The following PCCA variants were observed in gnomAD, a reference collection of about 807,000 sequenced individuals.
PCCA encodes propionyl-CoA carboxylase alpha chain, mitochondrial.
PCCA carries 74 observed loss-of-function variants against 101.3 expected under a neutral mutation model. That is an observed-to-expected ratio of 0.73 (90% CI 0.61 to 0.89). The LOEUF (loss-of-function observed/expected upper bound fraction) is 0.89. Ranked by LOEUF, PCCA falls within the 40% of genes least tolerant of loss-of-function variation. PCCA has a pLI of 0.00. For synonymous variants in PCCA, 294 were observed against 313.6 expected, an observed-to-expected ratio of 0.94 and a Z score of 0.66; for missense variants, 891 against 907.0, an observed-to-expected ratio of 0.98 and a Z score of 0.23.
chr13:100,399,174 A>G (rs993262065), intron 19 of PCCA, among the ~76,000 whole-genome samples: 2 of 152,180 alleles, frequency 1.3e-5, no homozygotes, highest in African/African-American at 4.8e-5. Context: ...ATATCTAAAA[A>G]TATGACTAGG....
intron 21 of PCCA, among the ~76,000 whole-genome samples, chr13:100,487,492 G>A (rs879048895): frequency 1.3e-5 from 2 of 152,190 alleles, no homozygotes; most frequent in Non-Finnish European, 2.9e-5. Context: ...GTGGTGTGAT[G>A]TTTAAAATAA....
Position 100,368,513 on chromosome 13 carries a change from C to T in PCCA, c.1685C>T (p.Ser562Leu). Reference sequence around the variant, plus strand: ...CCAGACATAGCCAACTGGGAGCTCTCAGTAAAATTGCATGATAAAGTTCAT... The same window carrying T: ...CCAGACATAGCCAACTGGGAGCTCTTAGTAAAATTGCATGATAAAGTTCAT... ...IKPDIANWEL[S>L]VKLHDKVHTV... Residue 562 changes from serine (S) to leucine (L), a missense_variant, in exon 19 of 24, where the codon TCA becomes TTA. Transcript: ENST00000376285. 1 of 1,610,722 alleles carries T rather than the reference C, an allele frequency of 6.2e-7. No homozygotes were observed. The highest frequency in any genetic ancestry group is 2.2e-5 in the East Asian group (1 of 44,678).
chr13:100,494,059 C>T (rs776183670), intron 21 of PCCA, among the ~76,000 whole-genome samples: 7 of 152,044 alleles, frequency 4.6e-5, no homozygotes, highest in Non-Finnish European at 8.8e-5. Context: ...TGTGGTGGTG[C>T]ACGCCTGTAA....
intron 18 of PCCA, among the ~76,000 whole-genome samples, chr13:100,357,510 C>T (rs1482595404): frequency 6.6e-6 from 1 of 152,142 alleles, no homozygotes; most frequent in Non-Finnish European, 1.5e-5. Context: ...CCTCTTCTGC[C>T]TTGAAATGCA....
chr13:100,455,028 A>G (rs1267674728), intron 21 of PCCA, among the ~76,000 whole-genome samples: 2 of 152,180 alleles, frequency 1.3e-5, no homozygotes, highest in Non-Finnish European at 2.9e-5. Context: ...CAGGAAATAC[A>G]GGCCTGGCTT....
chr13:100,525,319 C>T (rs1333093333), intron 22 of PCCA, among the ~76,000 whole-genome samples: 1 of 152,180 alleles, frequency 6.6e-6, no homozygotes, highest in South Asian at 2.1e-4. Context: ...GGGCTAAATC[C>T]GAGGTTTTTT....
intron 10 of PCCA, among the ~76,000 whole-genome samples, chr13:100,265,545 A>G (rs1194162160): frequency 2.0e-5 from 3 of 152,008 alleles, no homozygotes; most frequent in African/African-American, 7.3e-5. Flanking sequence ...TCACCTGTCA[A>G]CCTGTTCCCC....
intron 2 of PCCA, among the ~76,000 whole-genome samples, chr13:100,107,283 A>G (rs2047894075): frequency 6.6e-6 from 1 of 152,136 alleles, no homozygotes; most frequent in Non-Finnish European, 1.5e-5. Context: ...ATGTATGTTC[A>G]TGAGAATAAG....
At chr13:100,352,528 G>T (rs933395935) in intron 18 of PCCA, among the ~76,000 whole-genome samples, 9 of 151,170 alleles carry the variant, frequency 6.0e-5, no homozygotes, top group Non-Finnish European at 1.0e-4. Flanking sequence ...CTGAGTAGCT[G>T]GTACTAGAGT....
intron 21 of PCCA, among the ~76,000 whole-genome samples, chr13:100,498,511 A>T (rs1285091510): frequency 6.6e-6 from 1 of 152,206 alleles, no homozygotes; most frequent in Admixed American, 6.5e-5. Flanking sequence ...TTCACATAAC[A>T]CAATTAACCA....
chr13:100,152,378 C>G (rs1255172962), intron 4 of PCCA, among the ~76,000 whole-genome samples: 1 of 141,100 alleles, frequency 7.1e-6, no homozygotes, highest in African/African-American at 2.6e-5. Flanking sequence ...TTTTTTTAAA[C>G]TGGAACAATC....
At chr13:100,426,219 C>T (rs2079139767) in intron 20 of PCCA, among the ~76,000 whole-genome samples, 1 of 152,014 alleles carries the variant, frequency 6.6e-6, no homozygotes, top group Non-Finnish European at 1.5e-5. Flanking sequence ...AAATGTCCTG[C>T]CTTGAGGAGA....
chr13:100,216,579 A>G lies in PCCA; in HGVS notation c.600+7116A>G, dbSNP rs1030387642. The stretch of plus-strand genomic sequence containing the variant: ...TGCTCACTAGGTATTTGTTGAATGA[A>G]TAATATTCTAGGAGATAAATTTTAT... On this transcript the variant is annotated intron_variant, in intron 7 of 23. Transcript: ENST00000376285. Among the ~76,000 whole-genome samples, 10 of 152,356 alleles carry G rather than the reference A, an allele frequency of 6.6e-5. No homozygotes were observed. In the East Asian group the frequency reaches 1.2e-3, roughly 18 times the overall value.
chr13:100,495,082 T>C (rs1027586709), intron 21 of PCCA, among the ~76,000 whole-genome samples: 1 of 151,802 alleles, frequency 6.6e-6, no homozygotes, highest in Non-Finnish European at 1.5e-5. Context: ...TCTGGAGACA[T>C]ACTTGGTTGT....
intron 21 of PCCA, among the ~76,000 whole-genome samples, chr13:100,459,892 A>G (rs1349781277): frequency 6.6e-6 from 1 of 152,164 alleles, no homozygotes; most frequent in African/African-American, 2.4e-5. Context: ...CTCCCGTAGC[A>G]GAGAGAGAGT....
chr13:100,377,238 C>T (rs1374270333), intron 19 of PCCA, among the ~76,000 whole-genome samples: 2 of 151,974 alleles, frequency 1.3e-5, no homozygotes, highest in Non-Finnish European at 2.9e-5. Flanking sequence ...AGCTACAGAC[C>T]GGAGCTGTTC....
At chr13:100,204,311 TA>T (rs1484261972) in intron 6 of PCCA, among the ~76,000 whole-genome samples, 1 of 152,182 alleles carries the variant, frequency 6.6e-6, no homozygotes, top group Non-Finnish European at 1.5e-5. Flanking sequence ...GGCTAATTTT[TA>T]TATTTTTTGT....
rs112432655 is a variant in PCCA at position 100,348,934 on chromosome 13, C to CTTTTCTTTTCTTTTCT, written c.1643+8678_1643+8679insTCTTTTCTTTTCTTTT. 3.9e-4 allele frequency among the ~76,000 whole-genome samples: 22 copies of CTTTTCTTTTCTTTTCT among 56,630 alleles called. 2 individuals are homozygous for CTTTTCTTTTCTTTTCT. In the South Asian group the frequency reaches 0.013, roughly 34 times the overall value. The allele number at this position is 56,630 out of a possible 152,430, so 37.2% of individuals were successfully genotyped here. On this transcript the variant is annotated intron_variant, in intron 18 of 23. Coordinates refer to ENST00000376285, the MANE Select transcript of PCCA (RefSeq NM_000282.4). ...CCTTTCTTTTCTTTTCTTTTCTTTTCTTTCTTTTCTTTCTTTTCTTTCTTT... is the reference window on the plus strand; with the variant it reads ...CCTTTCTTTTCTTTTCTTTTCTTTTCTTTTCTTTTCTTTTCTTTTCTTTTCTTTCTTTTCTTTCTTT...
chr13:100,525,309 G>A (rs2087698770), intron 22 of PCCA, among the ~76,000 whole-genome samples: 2 of 152,128 alleles, frequency 1.3e-5, no homozygotes, highest in South Asian at 2.1e-4. Flanking sequence ...TGATTGTCTC[G>A]GGCTAAATCC....
Sources: allele counts gnomAD v4.1 joint callset (sites outside exome capture counted in the v4.1 genomes callset), GRCh38; gene constraint gnomAD v4.1.1; transcripts MANE v1.5; gene names NCBI Gene and HGNC (gene_info 2026-07-23, HGNC 2026-07-21).